The following SCAPER variants were observed in gnomAD, a reference collection of about 807,000 sequenced individuals.
SCAPER encodes the protein S-phase cyclin A associated protein in the ER.
SCAPER carries 98 observed loss-of-function variants against 182.2 expected under a neutral mutation model. The observed-to-expected ratio is 0.54, with a 90% confidence interval of 0.46 to 0.64. The LOEUF is 0.64. Ranked by LOEUF, SCAPER falls within the 30% of genes least tolerant of loss-of-function variation. The pLI is 0.00. For synonymous variants in SCAPER, 605 were observed against 564.6 expected (o/e 1.07, Z -1.01); for missense variants, 1,432 against 1,690.0 (o/e 0.85, Z 2.68).
intron 25 of SCAPER, among the ~76,000 whole-genome samples, chr15:76,453,399 G>A (rs1004163425): frequency 1.1e-4 from 16 of 152,130 alleles, no homozygotes; most frequent in African/African-American, 3.9e-4. Context: ...ATTACTACCA[G>A]TCTAGAAAAC....
intron 15 of SCAPER, among the ~76,000 whole-genome samples, chr15:76,739,244 A>G (rs961849746): frequency 6.6e-6 from 1 of 152,180 alleles, no homozygotes; most frequent in Non-Finnish European, 1.5e-5. Context: ...GACTACATAC[A>G]TTGTACAAAT....
chr15:76,510,140 A>T (rs553929676), intron 23 of SCAPER, among the ~76,000 whole-genome samples: 1 of 152,350 alleles, frequency 6.6e-6, no homozygotes, highest in African/African-American at 2.4e-5. Flanking sequence ...ATAATATCGG[A>T]AAAACTCTTC....
At chr15:76,639,177 C>T (rs2053893382) in intron 21 of SCAPER, among the ~76,000 whole-genome samples, 1 of 152,104 alleles carries the variant, frequency 6.6e-6, no homozygotes, top group East Asian at 1.9e-4. Flanking sequence ...AAACCTATAC[C>T]TATAATTAAT....
intron 10 of SCAPER, among the ~76,000 whole-genome samples, chr15:76,767,434 C>T (rs1598608180): frequency 6.6e-6 from 1 of 152,110 alleles, no homozygotes; most frequent in African/African-American, 2.4e-5. Context: ...TGAATATACT[C>T]ATTAAATATA....
chr15:76,629,493 C>T (rs1226439570), intron 21 of SCAPER, among the ~76,000 whole-genome samples: 2 of 152,094 alleles, frequency 1.3e-5, no homozygotes, highest in African/African-American at 4.8e-5. Flanking sequence ...TTATCAACGG[C>T]CTTTTCTGTG....
intron 16 of SCAPER, among the ~76,000 whole-genome samples, chr15:76,729,698 G>A (rs1450364037): frequency 6.6e-6 from 1 of 152,028 alleles, no homozygotes; most frequent in Non-Finnish European, 1.5e-5. Context: ...ATAATAATAT[G>A]TATTTCTTAG....
At chr15:76,849,872 C>T (rs915233531) in intron 4 of SCAPER, among the ~76,000 whole-genome samples, 4 of 152,096 alleles carry the variant, frequency 2.6e-5, no homozygotes, top group African/African-American at 4.8e-5. Flanking sequence ...ACAACCATGG[C>T]GGAAGGCAAA....
intron 22 of SCAPER, among the ~76,000 whole-genome samples, chr15:76,603,839 G>A (rs1325521781): frequency 1.6e-5 from 2 of 122,010 alleles, no homozygotes; most frequent in Non-Finnish European, 4.0e-5. Context: ...CTTTTGAGAA[G>A]TATCTGTTCA....
At chr15:76,775,204 T>A in intron 8 of SCAPER, 87 bp from the exon 9 acceptor site, 1 of 1,230,076 alleles carries the variant, frequency 8.1e-7, no homozygotes, top group Middle Eastern at 2.4e-4. Flanking sequence ...ATTTTCCAAT[T>A]TAATTCCCAA....
intron 8 of SCAPER, among the ~76,000 whole-genome samples, chr15:76,785,559 T>C (rs2064522458): frequency 6.6e-6 from 1 of 152,208 alleles, no homozygotes; most frequent in South Asian, 2.1e-4. Context: ...ATCATGCTAT[T>C]ATAAAGACAT....
intron 1 of SCAPER, among the ~76,000 whole-genome samples, chr15:76,899,116 T>C (rs980445351): frequency 6.6e-6 from 1 of 152,214 alleles, no homozygotes; most frequent in African/African-American, 2.4e-5. Context: ...ATCTTAAACA[T>C]AAAATCAGTC....
intron 23 of SCAPER, among the ~76,000 whole-genome samples, chr15:76,516,209 T>C (rs986985064): frequency 6.6e-6 from 1 of 151,680 alleles, no homozygotes; most frequent in Non-Finnish European, 1.5e-5. Flanking sequence ...TATATTCTTT[T>C]AAAAAATTTT....
chr15:76,768,331 T>C lies in SCAPER; in HGVS notation c.1249-1243A>G, dbSNP rs193106901. Among the ~76,000 whole-genome samples the C allele has an allele frequency of 5.7e-4, 87 of 152,286 alleles. 1 individual carries two copies. The highest frequency in any genetic ancestry group is 1.0e-3 in the Non-Finnish European group (69 of 68,010). On this transcript the variant is annotated intron_variant, in intron 10 of 31. Transcript: ENST00000563290. ...CAACTGATGAATAAATAAAATGTGG[T>C]ATATTCATTCATTCAGTGGACTATA...
chr15:76,732,418 A>C (rs1457709760), intron 16 of SCAPER, among the ~76,000 whole-genome samples: 3 of 152,180 alleles, frequency 2.0e-5, no homozygotes, highest in Non-Finnish European at 4.4e-5. Flanking sequence ...AGGAAAAACC[A>C]GGCCATACAG....
chr15:76,646,211 G>A (rs768783275), intron 21 of SCAPER, among the ~76,000 whole-genome samples: 18 of 152,032 alleles, frequency 1.2e-4, no homozygotes, highest in East Asian at 3.8e-4. Context: ...TGCAGGCTCC[G>A]CACGTGGAAC....
In SCAPER at chr15:76,705,896, T is replaced by A. The variant is rs768004732; in HGVS notation, c.2247+7A>T. The A allele has an allele frequency of 6.5e-6, 10 of 1,537,464 alleles. No individual in the cohort carries two copies. Among genetic ancestry groups the A allele is most frequent in the Non-Finnish European group, 8.7e-6 (10 of 1,143,136 alleles). ...AATTTCAAATTAAAAATATATAATATCCTTACCTTGAGCTGAATTTTTTTC... is the reference window on the plus strand; with the variant it reads ...AATTTCAAATTAAAAATATATAATAACCTTACCTTGAGCTGAATTTTTTTC... On this transcript the variant is annotated splice_region_variant and intron_variant, in intron 18 of 31. Transcript: ENST00000563290.
intron 25 of SCAPER, among the ~76,000 whole-genome samples, chr15:76,438,388 C>T (rs1303368576): frequency 2.0e-5 from 3 of 151,920 alleles, no homozygotes; most frequent in Admixed American, 2.0e-4. Context: ...GGTTTGGGGA[C>T]CAAATGTTAC....
At chr15:76,761,128 C>T (rs2062761229) in intron 14 of SCAPER, among the ~76,000 whole-genome samples, 1 of 152,060 alleles carries the variant, frequency 6.6e-6, no homozygotes. Flanking sequence ...TAAGGTTATC[C>T]AATTTGGTGC....
At chr15:76,444,202 C>T (rs2047828542) in intron 25 of SCAPER, among the ~76,000 whole-genome samples, 1 of 152,166 alleles carries the variant, frequency 6.6e-6, no homozygotes, top group Admixed American at 6.5e-5. Context: ...CCTGATTTGT[C>T]TCCTTCTGAC....
Sources: allele counts gnomAD v4.1 joint callset (sites outside exome capture counted in the v4.1 genomes callset), GRCh38; gene constraint gnomAD v4.1.1; transcripts MANE v1.5; gene names NCBI Gene and HGNC (gene_info 2026-07-23, HGNC 2026-07-21).